The following HECW1 variants were observed in gnomAD, a reference collection of about 807,000 sequenced individuals.
HECW1 encodes HECT, C2 and WW domain containing E3 ubiquitin protein ligase 1, also known as E3 ubiquitin-protein ligase HECW1.
HECW1 carries 61 observed loss-of-function variants against 182.3 expected under a neutral mutation model. That is an observed-to-expected ratio of 0.33 (90% CI 0.27 to 0.41). HECW1 has a LOEUF of 0.41. HECW1 is among the 10% of genes least tolerant of loss of function. HECW1 has a pLI of 1.00. For missense variants in HECW1, 1,739 were observed against 2,108.9 expected, an observed-to-expected ratio of 0.82 and a Z score of 3.44; for synonymous variants, 859 against 832.6, an observed-to-expected ratio of 1.03 and a Z score of -0.55.
intron 2 of HECW1, among the ~76,000 whole-genome samples, chr7:43,145,677 G>A (rs1049430157): frequency 2.6e-5 from 4 of 152,164 alleles, no homozygotes; most frequent in Admixed American, 6.6e-5. Flanking sequence ...TGAAAAGTCT[G>A]TATGCTCTCA....
intron 6 of HECW1, among the ~76,000 whole-genome samples, chr7:43,363,237 A>G (rs1158516605): frequency 6.6e-6 from 1 of 152,188 alleles, no homozygotes; most frequent in East Asian, 1.9e-4. Context: ...ATTTTCAACA[A>G]GCATATGCTC....
intron 24 of HECW1, among the ~76,000 whole-genome samples, chr7:43,524,055 C>T (rs997149676): frequency 2.0e-5 from 3 of 152,202 alleles, no homozygotes; most frequent in South Asian, 2.1e-4. Context: ...AAATTTTAGT[C>T]GGCAACTGCA....
rs538206957 is a variant in HECW1 at position 43,404,517 on chromosome 7, A to T, written c.632-3045A>T. Among the ~76,000 whole-genome samples, 4 of 152,368 alleles carry T rather than the reference A, an allele frequency of 2.6e-5. No homozygotes were observed. In the East Asian group the frequency reaches 7.7e-4, roughly 29 times the overall value. On this transcript the variant is annotated intron_variant, in intron 7 of 29. Coordinates refer to ENST00000395891, the MANE Select transcript of HECW1 (RefSeq NM_015052.5). ...AAAATAAGAACAATAAGAGTGACTT[A>T]ATTTAGCAGCTATCAAACATTTGAT... is the stretch of plus-strand genomic sequence containing the variant.
intron 25 of HECW1, 42 bp downstream of exon 25, chr7:43,541,303 G>A (rs892340366): frequency 6.8e-7 from 1 of 1,471,422 alleles, no homozygotes; most frequent in Non-Finnish European, 9.5e-7. Context: ...AGCCCTGTCT[G>A]CAGGGCAAGG....
intron 17 of HECW1, among the ~76,000 whole-genome samples, chr7:43,488,366 G>A (rs1033051759): frequency 1.1e-4 from 14 of 123,324 alleles, no homozygotes; most frequent in Non-Finnish European, 2.0e-4. Context: ...AAGGAAGGAA[G>A]GAAGGAAGGA....
intron 2 of HECW1, among the ~76,000 whole-genome samples, chr7:43,235,098 C>G (rs1271219581): frequency 6.6e-6 from 1 of 152,176 alleles, no homozygotes; most frequent in Non-Finnish European, 1.5e-5. Flanking sequence ...CCAGAGCACA[C>G]CTGGGGCTGG....
intron 26 of HECW1, among the ~76,000 whole-genome samples, chr7:43,547,824 C>A (rs112717443): frequency 0.011 from 1,718 of 152,282 alleles, 32 homozygotes; most frequent in African/African-American, 0.039. Context: ...TCATTAGTGG[C>A]CCTTCGTGTG....
At chr7:43,269,079 T>A (rs759247682) in intron 3 of HECW1, among the ~76,000 whole-genome samples, 8 of 152,166 alleles carry the variant, frequency 5.3e-5, no homozygotes, top group Non-Finnish European at 1.2e-4. Context: ...TAATTCATCC[T>A]CTCCCTCACC....
chr7:43,115,541 C>A (rs1784974078), intron 2 of HECW1, among the ~76,000 whole-genome samples: 1 of 152,162 alleles, frequency 6.6e-6, no homozygotes, highest in Non-Finnish European at 1.5e-5. Context: ...GACTTACTTT[C>A]TCTGATGTAA....
At chr7:43,313,080 GACTA>G (rs1487147131) in intron 4 of HECW1, among the ~76,000 whole-genome samples, 1 of 152,154 alleles carries the variant, frequency 6.6e-6, no homozygotes, top group African/African-American at 2.4e-5. Flanking sequence ...GATCTTAGCT[GACTA>G]ACTAGTTCTC....
Position 43,361,815 on chromosome 7 carries a change from C to CTCTT in HECW1, c.555+836_555+837insCTTT, listed in dbSNP as rs1360544693. Reference sequence around the variant, plus strand: ...CTAGTGGAAATAAAAAAGACTCTCTCTTTTTTTTTTTTTTTTTTTTTTTTT... The same window carrying CTCTT: ...CTAGTGGAAATAAAAAAGACTCTCTCTCTTTTTTTTTTTTTTTTTTTTTTTTTTT... On this transcript the variant is annotated intron_variant, in intron 6 of 29. Transcript: ENST00000395891. Among the ~76,000 whole-genome samples the CTCTT allele has an allele frequency of 4.0e-3, 309 of 77,970 alleles. 5 individuals carry two copies. Among genetic ancestry groups the CTCTT allele is most frequent in the African/African-American group, 0.016 (296 of 18,340 alleles). The allele number at this position is 77,970 out of a possible 152,430, so 51.2% of individuals were successfully genotyped here.
intron 2 of HECW1, among the ~76,000 whole-genome samples, chr7:43,116,558 G>A (rs1432111600): frequency 6.6e-6 from 1 of 152,184 alleles, no homozygotes; most frequent in African/African-American, 2.4e-5. Flanking sequence ...AAGCTTGACT[G>A]AGTCTCCCAA....
chr7:43,165,683 GA>G (rs1791043121), intron 2 of HECW1, among the ~76,000 whole-genome samples: 2 of 150,558 alleles, frequency 1.3e-5, no homozygotes, highest in East Asian at 1.9e-4. Flanking sequence ...TAATCACTTA[GA>G]TTTTTTTTTA....
intron 2 of HECW1, among the ~76,000 whole-genome samples, chr7:43,169,690 C>CTTTTTTTTTTTTTTTTTTTTTTTTTTTTT (rs374141328): frequency 8.8e-6 from 1 of 113,480 alleles, no homozygotes; most frequent in Non-Finnish European, 1.8e-5. Flanking sequence ...TTTTTCTTTT[C>CTTTTTTTTTTTTTTTTTTTTTTTTTTTTT]TTTTTTTTTT....
chr7:43,475,709 G>A (rs1348216696), intron 16 of HECW1, among the ~76,000 whole-genome samples: 1 of 151,878 alleles, frequency 6.6e-6, no homozygotes, highest in East Asian at 1.9e-4. Context: ...AAACCACTAC[G>A]CCTAGCTTTT....
At chr7:43,462,865 A>T (rs2077635841) in intron 13 of HECW1, among the ~76,000 whole-genome samples, 1 of 152,146 alleles carries the variant, frequency 6.6e-6, no homozygotes, top group East Asian at 1.9e-4. Context: ...ACAATTTACA[A>T]ACCTTGGGAG....
intron 5 of HECW1, among the ~76,000 whole-genome samples, chr7:43,333,332 T>C (rs1450652422): frequency 1.3e-5 from 2 of 152,216 alleles, no homozygotes; most frequent in Non-Finnish European, 2.9e-5. Flanking sequence ...TATAAAAAGC[T>C]GTAGAGAAAG....
chr7:43,287,004 T>C (rs10272268), intron 3 of HECW1, among the ~76,000 whole-genome samples: 56,133 of 151,668 alleles, frequency 0.37, 14,206 homozygotes, highest in African/African-American at 0.72. Context: ...CATTGTTTAA[T>C]GATGGTTGGG....
At chr7:43,368,276 T>C (rs1322153846) in intron 6 of HECW1, among the ~76,000 whole-genome samples, 2 of 152,236 alleles carry the variant, frequency 1.3e-5, no homozygotes, top group Non-Finnish European at 2.9e-5. Context: ...GGACCAATTA[T>C]GGGCAGGCCC....
Sources: gnomAD v4.1 joint callset for allele counts (sites outside exome capture counted in the v4.1 genomes callset) on GRCh38, gnomAD v4.1.1 for gene constraint, MANE v1.5 for transcripts, NCBI Gene and HGNC (gene_info 2026-07-23, HGNC 2026-07-21) for gene names.